The following PRIM2 variants were observed in gnomAD, a reference collection of about 807,000 sequenced individuals.
The protein encoded by PRIM2 is DNA primase subunit 2, also known as DNA primase large subunit.
A neutral mutation model predicts 67.3 loss-of-function variants in PRIM2; 39 were observed. That is an observed-to-expected ratio of 0.58 (90% CI 0.45 to 0.76). PRIM2 has a LOEUF of 0.76. Among genes scored for constraint, PRIM2 ranks in the 30% least tolerant of loss-of-function variants. PRIM2 has a pLI of 0.00. For missense variants in PRIM2, 398 were observed against 598.7 expected, an observed-to-expected ratio of 0.66 and a Z score of 3.50; for synonymous variants, 143 against 198.7, an observed-to-expected ratio of 0.72 and a Z score of 2.36.
chr6:57,525,900 G>A (rs1554349315), intron 8 of PRIM2, among the ~76,000 whole-genome samples: 4,924 of 152,192 alleles, frequency 0.032, 253 homozygotes, highest in African/African-American at 0.11. Flanking sequence ...TGAGAGATAG[G>A]GGGGTTGTAC....
intron 7 of PRIM2, chr6:57,497,478 A>G (rs1774030081): frequency 6.6e-6 from 1 of 152,208 alleles, no homozygotes; most frequent in South Asian, 2.1e-4. Context: ...AAAAATCAGC[A>G]CTGGGATGTC....
chr6:57,540,061 CAGAA>C (rs1444041597), intron 10 of PRIM2, among the ~76,000 whole-genome samples: 299 of 151,858 alleles, frequency 2.0e-3, no homozygotes, highest in African/African-American at 6.9e-3. Flanking sequence ...AATGACTGTT[CAGAA>C]AGGTTTTAAA....
the PRIM2 span, among the ~76,000 whole-genome samples, chr6:57,251,328 A>G: frequency 1.3e-5 from 2 of 152,246 alleles, no homozygotes; most frequent in South Asian, 4.1e-4. Flanking sequence ...GGTGAACCGC[A>G]GTTACAAACA....
intron 10 of PRIM2, among the ~76,000 whole-genome samples, chr6:57,538,335 A>T (rs1227928491): frequency 6.6e-6 from 1 of 152,140 alleles, no homozygotes; most frequent in Non-Finnish European, 1.5e-5. Flanking sequence ...TAGCCTATAG[A>T]ACATTTTTAG....
the PRIM2 span, among the ~76,000 whole-genome samples, chr6:57,277,994 A>G: frequency 6.6e-6 from 1 of 150,556 alleles, no homozygotes; most frequent in African/African-American, 2.4e-5. Flanking sequence ...AGAAAAACAA[A>G]CAAACAAACA....
intron 7 of PRIM2, among the ~76,000 whole-genome samples, chr6:57,402,795 C>T (rs12333000): frequency 0.067 from 10,198 of 152,088 alleles, 722 homozygotes; most frequent in African/African-American, 0.18. Context: ...AAATATTACC[C>T]CTGCCCACAG....
upstream of PRIM2, among the ~76,000 whole-genome samples, chr6:57,311,084 C>A (rs1478060656): frequency 6.7e-5 from 10 of 150,230 alleles, no homozygotes; most frequent in Non-Finnish European, 1.2e-4. Context: ...CCCCTCACTT[C>A]CCAGACGGGG....
At chr6:57,321,545 T>C (rs1403489678) in intron 3 of PRIM2, among the ~76,000 whole-genome samples, 2 of 151,888 alleles carry the variant, frequency 1.3e-5, no homozygotes, top group Non-Finnish European at 2.9e-5. Flanking sequence ...AAAGTGGAAT[T>C]GGAGGAATTT....
the PRIM2 span, among the ~76,000 whole-genome samples, chr6:57,280,570 C>T: frequency 6.6e-6 from 1 of 152,068 alleles, no homozygotes; most frequent in African/African-American, 2.4e-5. Flanking sequence ...AGTGCAACGG[C>T]ATGGTCTTGG....
chr6:57,365,050 C>G (rs7754605), intron 5 of PRIM2, among the ~76,000 whole-genome samples: 2 of 151,826 alleles, frequency 1.3e-5, no homozygotes, highest in African/African-American at 2.4e-5. Flanking sequence ...TATTCTGAGC[C>G]TCAAGTCAAG....
chr6:57,621,308 T>C (rs1356388326), intron 12 of PRIM2, among the ~76,000 whole-genome samples: 1 of 152,182 alleles, frequency 6.6e-6, no homozygotes, highest in East Asian at 1.9e-4. Flanking sequence ...TTTTTTTCTT[T>C]ATAAGGGCCT....
intron 10 of PRIM2, among the ~76,000 whole-genome samples, chr6:57,567,402 A>C (rs1775764519): frequency 6.6e-6 from 1 of 152,158 alleles, no homozygotes; most frequent in African/African-American, 2.4e-5. Flanking sequence ...AGTTTGCCCA[A>C]CTGTAGGCAA....
intron 7 of PRIM2, among the ~76,000 whole-genome samples, chr6:57,491,314 C>G (rs1424535215): frequency 6.6e-6 from 1 of 152,124 alleles, no homozygotes; most frequent in African/African-American, 2.4e-5. Flanking sequence ...ACGTATAATT[C>G]AAAACTTGCA....
the PRIM2 span, among the ~76,000 whole-genome samples, chr6:57,239,493 G>C: frequency 6.6e-6 from 1 of 152,032 alleles, no homozygotes; most frequent in African/African-American, 2.4e-5. Flanking sequence ...TCAGCACTTT[G>C]GGAGGCAAAG....
chr6:57,646,258 G>A lies in PRIM2; in HGVS notation c.*100G>A. ...TTTCACTCTGTCACCAAGGCTTAGTGCAGTGACACAATTACAGCTGATTGC... is the reference window on the plus strand; with the variant it reads ...TTTCACTCTGTCACCAAGGCTTAGTACAGTGACACAATTACAGCTGATTGC... On this transcript the variant is annotated 3_prime_UTR_variant, in exon 14 of 14. Coordinates refer to ENST00000615550, the MANE Select transcript of PRIM2 (RefSeq NM_000947.5). 1 of 633,592 alleles carries A rather than the reference G, an allele frequency of 1.6e-6. No individual in the cohort carries two copies. The highest frequency in any genetic ancestry group is 1.9e-5 in the South Asian group (1 of 51,582). The allele number at this position is 633,592 out of a possible 1,614,324, so 39.2% of individuals were successfully genotyped here.
chr6:57,290,920 C>A, the PRIM2 span, among the ~76,000 whole-genome samples: 1 of 151,892 alleles, frequency 6.6e-6, no homozygotes. Context: ...AATGGACACC[C>A]TAACATCATA....
chr6:57,408,591 T>C (rs1301950430), intron 7 of PRIM2, among the ~76,000 whole-genome samples: 3 of 152,090 alleles, frequency 2.0e-5, no homozygotes, highest in Admixed American at 6.6e-5. Flanking sequence ...GGGCAAACAC[T>C]CATCTGTTTC....
intron 7 of PRIM2, among the ~76,000 whole-genome samples, chr6:57,457,269 C>G (rs1252825290): frequency 2.0e-5 from 3 of 152,182 alleles, no homozygotes; most frequent in East Asian, 1.9e-4. Flanking sequence ...TTTCTGTTCT[C>G]AGATCTCCAG....
At chr6:57,338,936 G>T (rs1408865393) in intron 5 of PRIM2, among the ~76,000 whole-genome samples, 1 of 152,198 alleles carries the variant, frequency 6.6e-6, no homozygotes, top group African/African-American at 2.4e-5. Context: ...CAGATGACAT[G>T]ATTGTATATC....
Sources: allele counts gnomAD v4.1 joint callset (sites outside exome capture counted in the v4.1 genomes callset), GRCh38; gene constraint gnomAD v4.1.1; transcripts MANE v1.5; gene names NCBI Gene and HGNC (gene_info 2026-07-23, HGNC 2026-07-21).